The following LRP1B variants were observed in gnomAD, a reference collection of about 807,000 sequenced individuals.
The protein encoded by LRP1B is low-density lipoprotein receptor-related protein 1B.
A neutral mutation model predicts 556.6 loss-of-function variants in LRP1B; 217 were observed. The observed-to-expected ratio is 0.39, with a 90% CI of 0.35 to 0.44. The LOEUF is 0.44. Ranked by LOEUF, LRP1B falls within the 20% of genes least tolerant of loss-of-function variation. The pLI is 1.00. For missense variants in LRP1B, 5,053 were observed against 5,620.8 expected, an observed-to-expected ratio of 0.90 and a Z score of 3.23; for synonymous variants, 2,047 against 1,865.8, an observed-to-expected ratio of 1.10 and a Z score of -2.50.
In LRP1B at chr2:141,188,518, G is replaced by C. The variant is rs147347638; in HGVS notation, c.916C>G (p.Arg306Gly). The C allele has an allele frequency of 1.2e-6, 2 of 1,612,620 alleles. No individual in the cohort carries two copies. Among genetic ancestry groups the C allele is most frequent in the Non-Finnish European group, 8.5e-7 (1 of 1,179,186 alleles). ...NLYFVDHVGD[R>G]IFVCNSNGSV... ...CCGTTGGAATTACAAACAAAGATCC[G>C]GTCACCGACATGGTCCACAAAATAG... The change falls in exon 7 of 91, where the codon CGG (arginine) becomes GGG (glycine). Residue 306 changes from arginine (R) to glycine (G), a missense_variant. By Grantham distance (125) the Arg-to-Gly change is moderately radical. Around this residue, in one of 5 missense-constraint regions of LRP1B, gnomAD observed 3,619 missense variants for 3,931.9 expected, o/e 0.92. Transcript: ENST00000389484.
At chr2:141,385,209 A>G (rs1689786358) in intron 3 of LRP1B, among the ~76,000 whole-genome samples, 1 of 152,226 alleles carries the variant, frequency 6.6e-6, no homozygotes. Context: ...ACCTGAAAAT[A>G]CACACAATAC....
At chr2:141,644,803 A>G (rs1042619187) in intron 2 of LRP1B, among the ~76,000 whole-genome samples, 1 of 149,626 alleles carries the variant, frequency 6.7e-6, no homozygotes, top group Non-Finnish European at 1.5e-5. Flanking sequence ...CACACACAGG[A>G]AAACTCATGG....
At chr2:142,031,731 A>G (rs1015888971) in intron 1 of LRP1B, among the ~76,000 whole-genome samples, 1 of 151,568 alleles carries the variant, frequency 6.6e-6, no homozygotes, top group Non-Finnish European at 1.5e-5. Flanking sequence ...CATCTGATTC[A>G]GTTTGAATTG....
At chr2:142,073,280 G>T (rs950190814) in intron 1 of LRP1B, among the ~76,000 whole-genome samples, 1 of 151,906 alleles carries the variant, frequency 6.6e-6, no homozygotes, top group African/African-American at 2.4e-5. Flanking sequence ...TGTTCTGTTT[G>T]AATAAAGGTA....
At chr2:141,010,971 T>C (rs1235618866) in intron 14 of LRP1B, among the ~76,000 whole-genome samples, 1 of 150,594 alleles carries the variant, frequency 6.6e-6, no homozygotes, top group African/African-American at 2.4e-5. Flanking sequence ...TGTGTGTGTG[T>C]GTGTGTGTGT....
chr2:140,619,885 G>C (rs1683390684), intron 41 of LRP1B, among the ~76,000 whole-genome samples: 1 of 151,984 alleles, frequency 6.6e-6, no homozygotes, highest in Non-Finnish European at 1.5e-5. Context: ...CCAAAAAAGT[G>C]TCAAACAAAT....
chr2:141,533,233 A>T (rs1430956337), intron 2 of LRP1B, among the ~76,000 whole-genome samples: 1 of 152,212 alleles, frequency 6.6e-6, no homozygotes, highest in Non-Finnish European at 1.5e-5. Flanking sequence ...TAATTCTGTA[A>T]TATGATTCTA....
chr2:141,360,583 A>G (rs558827975), intron 3 of LRP1B, among the ~76,000 whole-genome samples: 1 of 152,328 alleles, frequency 6.6e-6, no homozygotes, highest in East Asian at 1.9e-4. Context: ...TACTCCAGGT[A>G]ATGTAAAGGT....
intron 2 of LRP1B, among the ~76,000 whole-genome samples, chr2:141,540,941 A>G (rs1376195242): frequency 6.6e-6 from 1 of 152,054 alleles, no homozygotes; most frequent in African/African-American, 2.4e-5. Context: ...TGTTGACAAA[A>G]TGAAAATATA....
At chr2:140,622,990 A>G (rs926450087) in intron 41 of LRP1B, among the ~76,000 whole-genome samples, 7 of 152,250 alleles carry the variant, frequency 4.6e-5, no homozygotes, top group African/African-American at 1.7e-4. Context: ...TCAGAAATGG[A>G]GAAATGAAAT....
intron 2 of LRP1B, among the ~76,000 whole-genome samples, chr2:141,738,451 A>T (rs1477886582): frequency 6.6e-6 from 1 of 152,154 alleles, no homozygotes; most frequent in African/African-American, 2.4e-5. Flanking sequence ...TGTCATTCTC[A>T]TTAGAGTCCC....
chr2:142,015,101 A>G (rs1020598067), intron 1 of LRP1B, among the ~76,000 whole-genome samples: 4 of 152,228 alleles, frequency 2.6e-5, no homozygotes, highest in African/African-American at 9.6e-5. Flanking sequence ...GTTAACAACC[A>G]TAAGTTGACC....
At chr2:141,304,232 A>G (rs539344669) in intron 3 of LRP1B, among the ~76,000 whole-genome samples, 5 of 152,022 alleles carry the variant, frequency 3.3e-5, no homozygotes, top group Non-Finnish European at 5.9e-5. Context: ...TACTCTGATG[A>G]TTGTTTCCTT....
intron 2 of LRP1B, among the ~76,000 whole-genome samples, chr2:141,484,649 T>C (rs1683052383): frequency 6.6e-6 from 1 of 152,080 alleles, no homozygotes; most frequent in Non-Finnish European, 1.5e-5. Flanking sequence ...TGAGCAGTGG[T>C]TTGTAGTTCT....
chr2:140,835,730 G>A (rs953626394), intron 31 of LRP1B, among the ~76,000 whole-genome samples: 2 of 151,840 alleles, frequency 1.3e-5, no homozygotes, highest in African/African-American at 4.8e-5. Context: ...GTAGAGATGG[G>A]TTTTCACCAT....
chr2:140,945,000 C>T (rs1695501216), intron 20 of LRP1B, among the ~76,000 whole-genome samples: 1 of 151,970 alleles, frequency 6.6e-6, no homozygotes, highest in Non-Finnish European at 1.5e-5. Context: ...ATGATTTTAT[C>T]TAGAACCCCT....
At chr2:141,276,224 T>C (rs300396) in intron 3 of LRP1B, among the ~76,000 whole-genome samples, 152,094 of 152,244 alleles carry the variant, frequency 1, 75,972 homozygotes, top group Non-Finnish European at 1. Flanking sequence ...CATAACTATC[T>C]TCACTTCCTT....
chr2:140,352,542 G>C (rs1459424816), intron 76 of LRP1B, among the ~76,000 whole-genome samples: 2 of 152,050 alleles, frequency 1.3e-5, no homozygotes, highest in Admixed American at 1.3e-4. Flanking sequence ...GCAAGATCTT[G>C]TTTTAAAACC....
At chr2:140,252,062 C>CAAAAAAAAAAAAAAAAAAAAA in intron 86 of LRP1B, among the ~76,000 whole-genome samples, 18 of 18,552 alleles carry the variant, frequency 9.7e-4, no homozygotes, top group African/African-American at 1.3e-3. Context: ...TGACAAGATG[C>CAAAAAAAAAAAAAAAAAAAAA]AAAAAAAAAA....
Sources: gnomAD v4.1 joint callset for allele counts (sites outside exome capture counted in the v4.1 genomes callset) on GRCh38, gnomAD v4.1.1 for gene constraint, gnomAD v4.1.1 regional missense constraint, MANE v1.5 for transcripts, NCBI Gene and HGNC (gene_info 2026-07-23, HGNC 2026-07-21) for gene names.